Variants in RPS6KC1 observed in about 807,000 individuals in gnomAD.
The protein encoded by RPS6KC1 is ribosomal protein S6 kinase C1.
In RPS6KC1, 54 loss-of-function variants were observed where a neutral mutation model predicts 103.8. The observed-to-expected ratio is 0.52, with a 90% CI of 0.42 to 0.65. The LOEUF is 0.65. Ranked by LOEUF, RPS6KC1 falls within the 30% of genes least tolerant of loss-of-function variation. RPS6KC1 has a pLI of 0.00. For synonymous variants in RPS6KC1, 439 were observed against 438.7 expected (o/e 1.00, Z -0.01); for missense variants, 1,151 against 1,253.8 (o/e 0.92, Z 1.24).
chr1:213,641,799 C>T, the RPS6KC1 span, among the ~76,000 whole-genome samples: 2 of 147,900 alleles, frequency 1.4e-5, no homozygotes, highest in Admixed American at 6.8e-5. Context: ...AAGGACATCA[C>T]CACTGCCCCA....
At chr1:213,856,794 G>T in the RPS6KC1 span, among the ~76,000 whole-genome samples, 1 of 152,160 alleles carries the variant, frequency 6.6e-6, no homozygotes, top group Admixed American at 6.5e-5. Context: ...TAGGCACACG[G>T]TTTGATGGGC....
chr1:213,205,962 A>G (rs1317067215), intron 8 of RPS6KC1, among the ~76,000 whole-genome samples: 4 of 152,138 alleles, frequency 2.6e-5, no homozygotes, highest in African/African-American at 9.6e-5. Context: ...TCCTTTGAAC[A>G]TCATGTTGGT....
At chr1:213,551,698 C>T in the RPS6KC1 span, among the ~76,000 whole-genome samples, 120,540 of 152,124 alleles carry the variant, frequency 0.79, 48,570 homozygotes, top group East Asian at 0.98. Flanking sequence ...TGAACATACA[C>T]TGACACATCA....
At chr1:213,376,819 A>G in the RPS6KC1 span, among the ~76,000 whole-genome samples, 1 of 152,194 alleles carries the variant, frequency 6.6e-6, no homozygotes, top group African/African-American at 2.4e-5. Flanking sequence ...AACACCCCCA[A>G]AGTTAGGCAT....
At chr1:213,295,625 G>T in the RPS6KC1 span, among the ~76,000 whole-genome samples, 1 of 152,240 alleles carries the variant, frequency 6.6e-6, no homozygotes, top group South Asian at 2.1e-4. Context: ...GTTTTTCCTT[G>T]CTAGGGGTTG....
the RPS6KC1 span, among the ~76,000 whole-genome samples, chr1:213,311,199 C>T: frequency 3.0e-3 from 457 of 150,768 alleles, 3 homozygotes; most frequent in African/African-American, 0.011. Flanking sequence ...AGTGCAGTGA[C>T]GCCATCTCCG....
At chr1:213,739,086 G>A in the RPS6KC1 span, among the ~76,000 whole-genome samples, 1 of 151,984 alleles carries the variant, frequency 6.6e-6, no homozygotes, top group African/African-American at 2.4e-5. Flanking sequence ...ACTTAGGTGA[G>A]GATTTTCTCC....
At chr1:213,672,305 T>C in the RPS6KC1 span, among the ~76,000 whole-genome samples, 1 of 152,244 alleles carries the variant, frequency 6.6e-6, no homozygotes, top group Admixed American at 6.5e-5. Context: ...TCATCCACTC[T>C]TGAAAGCCTT....
At chr1:213,218,198 G>A (rs999191409) in intron 8 of RPS6KC1, among the ~76,000 whole-genome samples, 156 of 152,174 alleles carry the variant, frequency 1.0e-3, no homozygotes, top group Non-Finnish European at 1.9e-3. Context: ...AAATCAATGT[G>A]CAAAAATCAC....
intron 1 of RPS6KC1, among the ~76,000 whole-genome samples, chr1:213,052,374 C>A (rs959561150): frequency 6.6e-6 from 1 of 152,194 alleles, no homozygotes; most frequent in African/African-American, 2.4e-5. Flanking sequence ...CCCAACTTTA[C>A]ATTGCAAGGC....
At chr1:213,667,694 T>C in the RPS6KC1 span, among the ~76,000 whole-genome samples, 3 of 152,218 alleles carry the variant, frequency 2.0e-5, no homozygotes, top group Admixed American at 6.5e-5. Context: ...TGGCATGTGA[T>C]GCTGTTTGAT....
At chr1:213,832,481 C>T in the RPS6KC1 span, 8 of 152,220 alleles carry the variant, frequency 5.3e-5, no homozygotes, top group African/African-American at 1.7e-4. Flanking sequence ...CACACCTTAA[C>T]ACATGCTGTT....
the RPS6KC1 span, among the ~76,000 whole-genome samples, chr1:213,375,177 A>G: frequency 2.0e-5 from 3 of 151,986 alleles, no homozygotes; most frequent in African/African-American, 7.3e-5. Context: ...ACACATACAC[A>G]TACACACATG....
chr1:213,398,572 C>G, the RPS6KC1 span, among the ~76,000 whole-genome samples: 7 of 152,136 alleles, frequency 4.6e-5, no homozygotes, highest in African/African-American at 1.7e-4. Flanking sequence ...GCATGTTTGC[C>G]ATGCTGGACT....
chr1:213,371,650 T>G, the RPS6KC1 span, among the ~76,000 whole-genome samples: 1 of 152,218 alleles, frequency 6.6e-6, no homozygotes, highest in Non-Finnish European at 1.5e-5. Context: ...GCTATCCTAG[T>G]GGTTGGCAAA....
the RPS6KC1 span, among the ~76,000 whole-genome samples, chr1:213,321,381 GACTA>G: frequency 6.6e-5 from 10 of 152,302 alleles, no homozygotes; most frequent in Admixed American, 5.2e-4. Context: ...ACTGTGATCT[GACTA>G]ACTGTGTTAA....
the RPS6KC1 span, among the ~76,000 whole-genome samples, chr1:213,779,189 G>A: frequency 6.6e-6 from 1 of 152,178 alleles, no homozygotes; most frequent in East Asian, 1.9e-4. Flanking sequence ...CTTGTAAGGA[G>A]GCCAGAGATG....
intron 14 of RPS6KC1, among the ~76,000 whole-genome samples, chr1:213,272,071 C>T (rs527901707): frequency 5.9e-5 from 9 of 152,278 alleles, no homozygotes; most frequent in African/African-American, 2.2e-4. Context: ...CTTATTCACA[C>T]TTTAGGTAAA....
chr1:213,746,940 C>A, the RPS6KC1 span, among the ~76,000 whole-genome samples: 1 of 152,100 alleles, frequency 6.6e-6, no homozygotes, highest in Non-Finnish European at 1.5e-5. Context: ...TGTTAGACAT[C>A]CAAGTGGAGA....
Sources: allele counts gnomAD v4.1 joint callset (sites outside exome capture counted in the v4.1 genomes callset), GRCh38; gene constraint gnomAD v4.1.1; transcripts MANE v1.5; gene names NCBI Gene and HGNC (gene_info 2026-07-23, HGNC 2026-07-21).